MZB1: variants seen among roughly 807,000 people sequenced by gnomAD.
MZB1 encodes marginal zone B and B1 cell specific protein.
A neutral mutation model predicts 17.2 loss-of-function variants in MZB1; 10 were observed. The ratio of observed to expected loss-of-function variants is 0.58; its 90% CI spans 0.36 to 0.98. The LOEUF is 0.98. Ranked by LOEUF, MZB1 falls within the 50% of genes least tolerant of loss-of-function variation. The pLI is 0.01. For missense variants in MZB1, 246 were observed against 237.5 expected (o/e 1.04, Z -0.23); for synonymous variants, 99 against 98.7 (o/e 1.00, Z -0.02).
intron 1 of MZB1, chr5:139,389,061 G>A (rs369823162): frequency 3.8e-5 from 8 of 209,714 alleles, no homozygotes; most frequent in Non-Finnish European, 6.9e-5. Flanking sequence ...CAGTAGTGAC[G>A]GGGTTTCACC....
At chr5:139,388,770 G>T in intron 1 of MZB1, 185 bp from the exon 2 acceptor site, 1 of 947,658 alleles carries the variant, frequency 1.1e-6, no homozygotes, top group Non-Finnish European at 1.5e-6. Flanking sequence ...GGATGGGGAT[G>T]GGGGATGGGA....
At position 139,388,052 on chromosome 5, in the gene MZB1, C is replaced by T. The variant is rs202010748; in HGVS notation, c.382G>A (p.Val128Met). The change falls in exon 3 of 4, where the codon GTG becomes ATG. Residue 128 changes from valine to methionine, a missense_variant. Coordinates refer to ENST00000302125, the MANE Select transcript of MZB1 (RefSeq NM_016459.4). ...GGCCAGGGGCCCCCTGTGACCATCA[C>T]GCTGATGCTTGGCTCTGGCCCCTCG... ...LSEGPEPSISVMVTGGPWPTR... is the reference protein window; with the variant it reads ...LSEGPEPSISMMVTGGPWPTR... 173 of 1,555,230 alleles carry T rather than the reference C, an allele frequency of 1.1e-4. No homozygotes were observed. In the African/African-American group the frequency reaches 1.9e-3, roughly 17 times the overall value.
At position 139,388,512 on chromosome 5, in the gene MZB1, T is replaced by C; in HGVS notation, c.251A>G (p.Glu84Gly). ...SNSGGRRELS[E>G]LVYTDVLDRS... ...GTCCAGGACATCCGTGTAGACCAAC[T>C]CGCTCAGCTCCCGCCGCCCCCCAGA... The change falls in exon 2 of 4, where the codon GAG (glutamate) becomes GGG (glycine). Residue 84 changes from glutamate to glycine, a missense_variant. By Grantham distance (98) the Glu-to-Gly change is moderately conservative. Coordinates refer to ENST00000302125, the MANE Select transcript of MZB1 (RefSeq NM_016459.4). 6.2e-7 allele frequency: 1 copy of C among 1,603,424 alleles called. No homozygotes were observed. Among genetic ancestry groups the C allele is most frequent in the Non-Finnish European group, 8.5e-7 (1 of 1,175,066 alleles).
intron 1 of MZB1, chr5:139,389,287 C>T: frequency 4.8e-6 from 2 of 418,760 alleles, no homozygotes; most frequent in South Asian, 3.7e-5. Context: ...CAGGCATGCT[C>T]AGCAGGTGTG....
rs758113298 is a variant in MZB1 at position 139,387,744 on chromosome 5, AGAG to A, written c.*18_*20del. ...GTCAGAGCAAGCCCCAGCTTCTTTC[AGAG>A]GAGGGTAGAGTCCAGGACTAGAGCT... On this transcript the variant is annotated 3_prime_UTR_variant, in exon 4 of 4. Transcript: ENST00000302125. The A allele has an allele frequency of 1.3e-6, 2 of 1,499,564 alleles. No individual in the cohort carries two copies. Among genetic ancestry groups the A allele is most frequent in the South Asian group, 2.8e-5 (2 of 70,970 alleles). The allele number at this position is 1,499,564 out of a possible 1,614,324, so 92.9% of individuals were successfully genotyped here. A position where few individuals can be genotyped will look rare whatever the true frequency, so the allele number is the denominator to read the frequency against.
Position 139,389,754 on chromosome 5 carries a change from C to A in MZB1, c.103G>T (p.Asp35Tyr). 1.3e-6 allele frequency: 2 copies of A among 1,563,340 alleles called. No homozygotes were observed. Among genetic ancestry groups the A allele is most frequent in the Non-Finnish European group, 1.7e-6 (2 of 1,154,082 alleles). ...TGGGCTGAGTACATCTCCTCATCAT[C>A]CAGTTGTGGGGCTGTGGCTGTGAGT... ...APLTATAPQLDDEEMYSAHMP... is the reference protein window; with the variant it reads ...APLTATAPQLYDEEMYSAHMP... Residue 35 changes from aspartate (D) to tyrosine (Y), a missense_variant, in exon 1 of 4, where the codon GAT becomes TAT. Coordinates refer to ENST00000302125, the MANE Select transcript of MZB1 (RefSeq NM_016459.4).
Position 139,389,837 on chromosome 5 carries a change from A to G in MZB1, c.20T>C (p.Leu7Pro). MRLSLP[L>P]LLLLLGAWAI... is the part of the protein sequence containing the mutation. ...CCAGGCTCCCAGCAGCAGCAGCAGC[A>G]GTGGCAGTGACAGCCTCATGGCCCC... The change falls in exon 1 of 4, where the codon CTG becomes CCG. Residue 7 changes from leucine to proline, a missense_variant. Leu to Pro is a moderately conservative substitution (Grantham distance 98). Coordinates refer to ENST00000302125, the MANE Select transcript of MZB1 (RefSeq NM_016459.4). 1 of 1,546,988 alleles carries G rather than the reference A, an allele frequency of 6.5e-7. No individual in the cohort carries two copies.
chr5:139,389,832 G>A lies in MZB1; in HGVS notation c.25C>T (p.Leu9=), dbSNP rs138971367. 3.8e-3 allele frequency: 5,942 copies of A among 1,547,886 alleles called. 21 individuals are homozygous for A. The highest frequency in any genetic ancestry group is 4.6e-3 in the Non-Finnish European group (5,327 of 1,146,942). Residue 9 remains leucine, a synonymous_variant, in exon 1 of 4, where the codon CTG becomes TTG. Transcript: ENST00000302125. ...ATGGCCCAGGCTCCCAGCAGCAGCA[G>A]CAGCAGTGGCAGTGACAGCCTCATG... is the stretch of plus-strand genomic sequence containing the variant. MRLSLPLL[L]LLLGAWAIPG... is the part of the protein sequence containing the mutation.
intron 2 of MZB1, 34 bp from the exon 3 acceptor site, chr5:139,388,165 T>C: frequency 1.3e-6 from 2 of 1,537,304 alleles, no homozygotes; most frequent in Non-Finnish European, 8.8e-7. Context: ...AGTACAGTTT[T>C]GGCAGGAGCC....
intron 1 of MZB1, chr5:139,389,221 C>G (rs1758567557): frequency 3.1e-6 from 1 of 319,410 alleles, no homozygotes; most frequent in Non-Finnish European, 6.2e-6. Context: ...AACTGGAGCC[C>G]AATATTCAAT....
Position 139,388,559 on chromosome 5 carries a change from C to G in MZB1, c.204G>C (p.Glu68Asp), listed in dbSNP as rs200921802. The change falls in exon 2 of 4, where the codon GAG becomes GAC. Residue 68 changes from glutamate to aspartate, a missense_variant. Physicochemically the swap from Glu to Asp is conservative, Grantham distance 45. Coordinates refer to ENST00000302125, the MANE Select transcript of MZB1 (RefSeq NM_016459.4). ...YQMWQNLAKA[E>D]TKLHTSNSGG... ...CAGAGTTTGAGGTATGAAGTTTGGT[C>G]TCTGCCTTTGCCAGATTTTGCCACA... is the stretch of plus-strand genomic sequence containing the variant. 2 of 1,601,904 alleles carry G rather than the reference C, an allele frequency of 1.2e-6. No homozygotes were observed. The highest frequency in any genetic ancestry group is 2.7e-5 in the African/African-American group (2 of 74,874).
chr5:139,388,994 C>T (rs1020032727), intron 1 of MZB1: 4 of 200,240 alleles, frequency 2.0e-5, no homozygotes, highest in Middle Eastern at 2.2e-3. Context: ...CCTCAGCCTC[C>T]CAGGTAGCTG....
At chr5:139,389,342 C>A (rs942357996) in intron 1 of MZB1, 2 of 540,294 alleles carry the variant, frequency 3.7e-6, no homozygotes, top group Non-Finnish European at 7.1e-6. Context: ...GGCGCTCACA[C>A]GTGTGCACTT....
intron 1 of MZB1, chr5:139,388,969 C>T (rs1464883129): frequency 1.5e-5 from 3 of 200,184 alleles, no homozygotes; most frequent in Non-Finnish European, 3.1e-5. Flanking sequence ...CTCCCAGGTT[C>T]AAGTGATTCT....
intron 1 of MZB1, 52 bp downstream of exon 1, chr5:139,389,628 T>C: frequency 6.5e-7 from 1 of 1,544,964 alleles, no homozygotes; most frequent in Non-Finnish European, 8.8e-7. Flanking sequence ...TGGAGGGGTC[T>C]GGCTTGAGAA....
intron 3 of MZB1, 27 bp from the exon 4 acceptor site, chr5:139,387,948 A>G: frequency 6.3e-7 from 1 of 1,577,566 alleles, no homozygotes; most frequent in Non-Finnish European, 8.6e-7. Context: ...GGAGCCTCAG[A>G]TGCTGCCCAG....
chr5:139,388,300 C>T (rs1758548366), intron 2 of MZB1, among the ~76,000 whole-genome samples, 161 bp downstream of exon 2: 1 of 152,244 alleles, frequency 6.6e-6, no homozygotes, highest in Non-Finnish European at 1.5e-5. Flanking sequence ...TGCTCTCCCA[C>T]TTGCTCTCAG....
In MZB1 at chr5:139,388,484, C is replaced by T; in HGVS notation, c.279G>A (p.Arg93=). ...SELVYTDVLD[R]SCSRNWQDYG... ...ACTCCTGCCAGTTCCGGGAGCAGCT[C>T]CGGTCCAGGACATCCGTGTAGACCA... is the stretch of plus-strand genomic sequence containing the variant. Residue 93 remains arginine, a synonymous_variant, in exon 2 of 4, where the codon CGG becomes CGA. Coordinates refer to ENST00000302125, the MANE Select transcript of MZB1 (RefSeq NM_016459.4). The T allele has an allele frequency of 6.2e-7, 1 of 1,605,324 alleles. No individual in the cohort carries two copies. The highest frequency in any genetic ancestry group is 1.7e-5 in the Admixed American group (1 of 58,764).
At chr5:139,388,669 TG>T (rs1216785290) in intron 1 of MZB1, 84 bp from the exon 2 acceptor site, 1 of 1,539,774 alleles carries the variant, frequency 6.5e-7, no homozygotes, top group East Asian at 2.4e-5. Context: ...GCAGAGTCTC[TG>T]GGGAAAATAA....
Sources: gnomAD v4.1 joint callset for allele counts (sites outside exome capture counted in the v4.1 genomes callset) on GRCh38, gnomAD v4.1.1 for gene constraint, MANE v1.5 for transcripts, NCBI Gene and HGNC (gene_info 2026-07-23, HGNC 2026-07-21) for gene names.